FARP1: variants seen among roughly 807,000 people sequenced by gnomAD.
FARP1 encodes the protein FERM, ARH/RhoGEF and pleckstrin domain protein 1, also known as FERM, ARHGEF and pleckstrin domain-containing protein 1.
In FARP1, 52 loss-of-function variants were observed where a neutral mutation model predicts 128.8. That is an observed-to-expected ratio of 0.40 (90% CI 0.32 to 0.51). The LOEUF is 0.51. Among genes scored for constraint, FARP1 ranks in the 20% least tolerant of loss-of-function variants. The probability of loss-of-function intolerance (pLI) is 0.45; values close to 1 mark genes in which losing one functional copy is unlikely to be tolerated. For missense variants in FARP1, 1,333 were observed against 1,367.9 expected, an observed-to-expected ratio of 0.97 and a Z score of 0.40; for synonymous variants, 580 against 551.8, an observed-to-expected ratio of 1.05 and a Z score of -0.72.
intron 1 of FARP1, among the ~76,000 whole-genome samples, chr13:98,167,440 C>T (rs1309749639): frequency 2.1e-5 from 3 of 140,780 alleles, no homozygotes; most frequent in Non-Finnish European, 3.0e-5. Flanking sequence ...GTCTCACTCT[C>T]ACTCTGTCAC....
chr13:98,390,581 G>A (rs896442395), intron 10 of FARP1: 1 of 510,372 alleles, frequency 2.0e-6, no homozygotes, highest in African/African-American at 1.9e-5. Flanking sequence ...TTATCAAGTG[G>A]GCTTAGTTAA....
At chr13:98,165,836 G>A (rs1262410606) in intron 1 of FARP1, among the ~76,000 whole-genome samples, 6 of 143,780 alleles carry the variant, frequency 4.2e-5, no homozygotes, top group Non-Finnish European at 9.0e-5. Context: ...TACTGCCTCA[G>A]CCTCCAGAGT....
At chr13:98,382,292 C>T (rs1369639536) in intron 6 of FARP1, 1 of 152,110 alleles carries the variant, frequency 6.6e-6, no homozygotes, top group Admixed American at 6.5e-5. Context: ...ATTTAAGGAG[C>T]AGCCTATTTC....
At chr13:98,210,651 G>A (rs542634574) in intron 1 of FARP1, among the ~76,000 whole-genome samples, 21 of 151,836 alleles carry the variant, frequency 1.4e-4, no homozygotes, top group African/African-American at 2.4e-4. Flanking sequence ...CCGGGTTCAC[G>A]CCATTCTCCT....
At chr13:98,412,769 G>T (rs988406122) in intron 16 of FARP1, among the ~76,000 whole-genome samples, 1 of 152,172 alleles carries the variant, frequency 6.6e-6, no homozygotes, top group Non-Finnish European at 1.5e-5. Context: ...TAAAATAGAA[G>T]GTTTTGTAGA....
At position 98,446,069 on chromosome 13, in the gene FARP1, TGCTTCTCACAGGCCTCC is replaced by T; in HGVS notation, c.2797-28_2797-12del. 1 of 1,506,076 alleles carries T rather than the reference TGCTTCTCACAGGCCTCC, an allele frequency of 6.6e-7. No individual in the cohort carries two copies. 93.3% of individuals were successfully genotyped at this position (1,506,076 alleles called of 1,614,324 possible). A position where few individuals can be genotyped will look rare whatever the true frequency, so the allele number is the denominator to read the frequency against. ...GCCCTCCTGGGGCAGGTGCCCGCTG[TGCTTCTCACAGGCCTCC>T]TTGCCTTTCAGAATCAGTTGTCTGG... On this transcript the variant is annotated splice_polypyrimidine_tract_variant and intron_variant, in intron 24 of 26. Transcript: ENST00000319562.
At chr13:98,179,232 A>G (rs1878331189) in intron 1 of FARP1, among the ~76,000 whole-genome samples, 1 of 152,232 alleles carries the variant, frequency 6.6e-6, no homozygotes, top group Admixed American at 6.5e-5. Context: ...AATGAGAACC[A>G]AGTGAAAGGG....
chr13:98,151,769 C>A (rs1257041646), intron 1 of FARP1, among the ~76,000 whole-genome samples: 2 of 146,146 alleles, frequency 1.4e-5, no homozygotes, highest in Non-Finnish European at 3.0e-5. Flanking sequence ...TCAAGCAATT[C>A]TCCTGCCTCA....
intron 5 of FARP1, among the ~76,000 whole-genome samples, chr13:98,370,159 G>A (rs1889265416): frequency 6.6e-6 from 1 of 152,206 alleles, no homozygotes; most frequent in Non-Finnish European, 1.5e-5. Context: ...TGCCTCTTGA[G>A]GAAGTGAGAA....
At position 98,450,447 on chromosome 13, in the gene FARP1, T is replaced by C. The variant is rs546316466; in HGVS notation, c.*2130T>C. ...GCAATGCAGGGATAAAACTATTGGA[T>C]AAGGAAGGCAGATGCACTTCCAAGA... is the stretch of plus-strand genomic sequence containing the variant. On this transcript the variant is annotated 3_prime_UTR_variant, in exon 27 of 27. Transcript: ENST00000319562. 1.3e-5 allele frequency: 2 copies of C among 152,304 alleles called. No individual in the cohort carries two copies. Among genetic ancestry groups the C allele is most frequent in the South Asian group, 2.1e-4 (1 of 4,830 alleles). The allele number at this position is 152,304 out of a possible 1,614,324, so 9.4% of individuals were successfully genotyped here.
chr13:98,351,606 CATCTAAAAAA>C, intron 3 of FARP1, among the ~76,000 whole-genome samples: 1 of 137,344 alleles, frequency 7.3e-6, no homozygotes, highest in South Asian at 2.5e-4. Context: ...AGCAAGACTC[CATCTAAAAAA>C]AAAAAAAAAA....
intron 1 of FARP1, among the ~76,000 whole-genome samples, chr13:98,196,232 G>A (rs1415051346): frequency 6.6e-6 from 1 of 152,112 alleles, no homozygotes. Context: ...GTCGCTGGAT[G>A]GTAGAGAGGG....
chr13:98,174,454 G>C (rs1262897267), intron 1 of FARP1, among the ~76,000 whole-genome samples: 1 of 152,140 alleles, frequency 6.6e-6, no homozygotes, highest in East Asian at 1.9e-4. Flanking sequence ...GTGCCTGAAA[G>C]TTTCATATTT....
At chr13:98,232,820 T>TG (rs1882207826) in intron 2 of FARP1, among the ~76,000 whole-genome samples, 1 of 152,242 alleles carries the variant, frequency 6.6e-6, no homozygotes, top group African/African-American at 2.4e-5. Flanking sequence ...AACTTCATAT[T>TG]GAGTGAATGA....
intron 2 of FARP1, among the ~76,000 whole-genome samples, chr13:98,342,376 C>A (rs1254880950): frequency 6.6e-6 from 1 of 152,184 alleles, no homozygotes; most frequent in Non-Finnish European, 1.5e-5. Flanking sequence ...GTATTACATC[C>A]AGACAGTGGA....
intron 16 of FARP1, among the ~76,000 whole-genome samples, chr13:98,417,455 G>GGGGAAAAAAAA (rs1491453247): frequency 6.8e-5 from 4 of 58,480 alleles, no homozygotes; most frequent in Non-Finnish European, 1.0e-4. Context: ...CCAGAGGTTT[G>GGGGAAAAAAAA]AAAAAAAAAA....
intron 9 of FARP1, among the ~76,000 whole-genome samples, chr13:98,388,743 T>C (rs1442552977): frequency 6.6e-6 from 1 of 152,190 alleles, no homozygotes; most frequent in African/African-American, 2.4e-5. Flanking sequence ...CCTGCGCAGA[T>C]TCAGGCAGCC....
chr13:98,437,915 C>T lies in FARP1; in HGVS notation c.2275-889C>T, dbSNP rs1354796699. The T allele has an allele frequency of 7.6e-6, 7 of 924,864 alleles. No individual in the cohort carries two copies. The East Asian group carries it at 2.0e-4, about 26-fold the overall frequency. The allele number at this position is 924,864 out of a possible 1,614,324, so 57.3% of individuals were successfully genotyped here. ...GCTCAGATGATCCCCTGATTCTTGG[C>T]ACTCATCAGGCCGCCACACATCCAC... On this transcript the variant is annotated intron_variant, in intron 19 of 26. Transcript: ENST00000319562.
At chr13:98,351,379 G>A (rs543394798) in intron 3 of FARP1, among the ~76,000 whole-genome samples, 287 of 152,276 alleles carry the variant, frequency 1.9e-3, no homozygotes, top group African/African-American at 6.5e-3. Flanking sequence ...TTGCGAGGCC[G>A]AGGCAGGCAG....
Sources: gnomAD v4.1 joint callset for allele counts (sites outside exome capture counted in the v4.1 genomes callset) on GRCh38, gnomAD v4.1.1 for gene constraint, MANE v1.5 for transcripts, NCBI Gene and HGNC (gene_info 2026-07-23, HGNC 2026-07-21) for gene names.